The following ATP6V0A1 variants were observed in gnomAD, a reference collection of about 807,000 sequenced individuals.
ATP6V0A1 encodes the protein ATPase H+ transporting V0 subunit a1, also known as V-type proton ATPase 116 kDa subunit a 1.
In ATP6V0A1, 43 loss-of-function variants were observed where a neutral mutation model predicts 105.4. The ratio of observed to expected loss-of-function variants is 0.41; its 90% confidence interval spans 0.32 to 0.53. The LOEUF (loss-of-function observed/expected upper bound fraction) is 0.53. Ranked by LOEUF, ATP6V0A1 falls within the 20% of genes least tolerant of loss-of-function variation. The probability of loss-of-function intolerance (pLI) is 0.30; values close to 1 mark genes in which losing one functional copy is unlikely to be tolerated. For missense variants in ATP6V0A1, 676 were observed against 1,051.1 expected, an observed-to-expected ratio of 0.64 and a Z score of 4.93; for synonymous variants, 362 against 372.8, an observed-to-expected ratio of 0.97 and a Z score of 0.33.
chr17:42,518,729 C>T (rs894439023), intron 21 of ATP6V0A1: 1 of 152,326 alleles, frequency 6.6e-6, no homozygotes, highest in Non-Finnish European at 1.5e-5. Flanking sequence ...ATCTGGCGTC[C>T]TGAGGCTCTC....
In ATP6V0A1 at chr17:42,468,013, T is replaced by G; in HGVS notation, c.200T>G (p.Phe67Cys). ...RCEEMDRKLR[F>C]VEKEIRKANI... The stretch of plus-strand genomic sequence containing the variant: ...TGTTTTGATTCTGTCATTTTAGGAT[T>G]TGTTGAGAAAGAGATAAGAAAAGCT... Residue 67 changes from phenylalanine (F) to cysteine (C), a missense_variant, in exon 4 of 22, where the codon TTT (phenylalanine) becomes TGT (cysteine). This residue lies in a region of ATP6V0A1 where 239 missense variants were observed against 388.4 expected (regional missense o/e 0.62). Transcript: ENST00000343619. The G allele has an allele frequency of 6.3e-7, 1 of 1,599,196 alleles. No individual in the cohort carries two copies. Among genetic ancestry groups the G allele is most frequent in the Non-Finnish European group, 8.5e-7 (1 of 1,172,184 alleles).
chr17:42,513,365 G>A (rs534550797), intron 19 of ATP6V0A1: 2 of 153,084 alleles, frequency 1.3e-5, no homozygotes, highest in Non-Finnish European at 2.9e-5. Flanking sequence ...TAAGTAAAGT[G>A]GCCATAGAGG....
Position 42,480,678 on chromosome 17 carries a change from G to A in ATP6V0A1, c.645G>A (p.Val215=). The A allele has an allele frequency of 6.2e-7, 1 of 1,613,064 alleles. No homozygotes were observed. The highest frequency in any genetic ancestry group is 8.5e-7 in the Non-Finnish European group (1 of 1,179,632). ...ATTCTGGGGCCTAGGGCGACTACGT[G>A]CACAAGTCTGTGTTTATCATTTTCT... is the stretch of plus-strand genomic sequence containing the variant. ...PLEDPVTGDY[V]HKSVFIIFFQ... Residue 215 remains valine, a synonymous_variant, in exon 8 of 22, where the codon GTG becomes GTA. Coordinates refer to ENST00000343619, the MANE Select transcript of ATP6V0A1 (RefSeq NM_001130021.3).
At chr17:42,464,724 GT>G (rs1473358578) in intron 2 of ATP6V0A1, among the ~76,000 whole-genome samples, 1 of 151,970 alleles carries the variant, frequency 6.6e-6, no homozygotes, top group African/African-American at 2.4e-5. Flanking sequence ...ATGTTTCTAT[GT>G]GTGTATGCAT....
chr17:42,517,093 A>C (rs2092657628), intron 21 of ATP6V0A1, among the ~76,000 whole-genome samples: 1 of 152,154 alleles, frequency 6.6e-6, no homozygotes, highest in South Asian at 2.1e-4. Context: ...CAGCCTGGAC[A>C]ACATGGTGAA....
intron 16 of ATP6V0A1, 133 bp from the exon 17 acceptor site, chr17:42,501,064 G>T (rs1341028689): frequency 1.9e-5 from 22 of 1,169,494 alleles, no homozygotes; most frequent in Non-Finnish European, 6.1e-6. Flanking sequence ...TAATTATTTT[G>T]AGAAATTGGA....
intron 5 of ATP6V0A1, chr17:42,471,120 C>G (rs2087851881): frequency 7.0e-6 from 1 of 143,396 alleles, no homozygotes; most frequent in South Asian, 2.2e-4. Context: ...GAGACTCTAT[C>G]TCAAAAAAAA....
rs1455800339 is a variant in ATP6V0A1, at chr17:42,514,611, C to T, written c.2420+151C>T. 4.3e-5 allele frequency: 34 copies of T among 784,290 alleles called. No homozygotes were observed. The Admixed American group carries it at 6.9e-4, about 16-fold the overall frequency. 48.6% of individuals were successfully genotyped at this position (784,290 alleles called of 1,614,324 possible). A position where few individuals can be genotyped will look rare whatever the true frequency, so the allele number is the denominator to read the frequency against. ...GCTTCACCTCAGGACACCCCAGCAC[C>T]GGCATTGCCACAGAGTTTCGGAAAA... is the stretch of plus-strand genomic sequence containing the variant. On this transcript the variant is annotated intron_variant, in intron 21 of 21. Coordinates refer to ENST00000343619, the MANE Select transcript of ATP6V0A1 (RefSeq NM_001130021.3).
chr17:42,459,921 A>T (rs2086212716), intron 1 of ATP6V0A1, among the ~76,000 whole-genome samples: 1 of 152,210 alleles, frequency 6.6e-6, no homozygotes, highest in Admixed American at 6.5e-5. Flanking sequence ...CACTAAAAAT[A>T]CTGTGCATTT....
Position 42,500,709 on chromosome 17 carries a change from A to G in ATP6V0A1, c.1682A>G (p.Tyr561Cys). 6.2e-7 allele frequency: 1 copy of G among 1,610,850 alleles called. No homozygotes were observed. The highest frequency in any genetic ancestry group is 1.1e-5 in the South Asian group (1 of 90,996). The change falls in exon 16 of 22, where the codon TAT becomes TGT. Residue 561 changes from tyrosine (Y) to cysteine (C), a missense_variant and splice_region_variant. Coordinates refer to ENST00000343619, the MANE Select transcript of ATP6V0A1 (RefSeq NM_001130021.3). ...GVSLSLFNHIYFKKPLNIYFG... is the reference protein window; with the variant it reads ...GVSLSLFNHICFKKPLNIYFG... ...ATTTTTTTCTCTCTCCTTTTTAGCT[A>G]TTTCAAGAAGCCCCTGAATATCTAC...
intron 19 of ATP6V0A1, among the ~76,000 whole-genome samples, chr17:42,512,619 G>A (rs1319639121): frequency 1.3e-5 from 2 of 152,168 alleles, no homozygotes; most frequent in Admixed American, 6.5e-5. Flanking sequence ...AGAAGCAGAC[G>A]TTCGCCCAGA....
chr17:42,461,658 C>T (rs558681990), intron 2 of ATP6V0A1, among the ~76,000 whole-genome samples: 3 of 152,146 alleles, frequency 2.0e-5, no homozygotes, highest in Non-Finnish European at 4.4e-5. Flanking sequence ...GTAATCCCAG[C>T]CACTCGGGAG....
chr17:42,520,833 T>A (rs551396062), intron 21 of ATP6V0A1, 194 bp from the exon 22 acceptor site: 1 of 588,266 alleles, frequency 1.7e-6, no homozygotes, highest in South Asian at 1.9e-5. Flanking sequence ...GCAAATCCCT[T>A]CCTCCGTGCG....
At chr17:42,488,701 G>A (rs928794429) in intron 10 of ATP6V0A1, among the ~76,000 whole-genome samples, 1 of 151,990 alleles carries the variant, frequency 6.6e-6, no homozygotes, top group Admixed American at 6.5e-5. Context: ...GGGCTCGAGT[G>A]ATCTGCCTTC....
At chr17:42,466,938 G>A (rs949754016) in intron 3 of ATP6V0A1, among the ~76,000 whole-genome samples, 1 of 152,126 alleles carries the variant, frequency 6.6e-6, no homozygotes, top group Non-Finnish European at 1.5e-5. Flanking sequence ...ACGAGGTCAG[G>A]AGATCGAGAC....
At chr17:42,511,834 G>A (rs545461938) in intron 19 of ATP6V0A1, among the ~76,000 whole-genome samples, 1 of 152,016 alleles carries the variant, frequency 6.6e-6, no homozygotes, top group African/African-American at 2.4e-5. Flanking sequence ...GTGGTGGTGC[G>A]TGCCTGTAAT....
intron 5 of ATP6V0A1, among the ~76,000 whole-genome samples, chr17:42,477,199 T>C (rs2088863818): frequency 6.6e-6 from 1 of 152,228 alleles, no homozygotes; most frequent in Admixed American, 6.5e-5. Context: ...AGTTTGTAGC[T>C]GCCTAGAAAT....
rs764165065 is a variant in ATP6V0A1 at position 42,495,672 on chromosome 17, C to T, written c.1516C>T (p.Leu506Phe). 1 of 1,614,004 alleles carries T rather than the reference C, an allele frequency of 6.2e-7. No homozygotes were observed. The highest frequency in any genetic ancestry group is 8.5e-7 in the Non-Finnish European group (1 of 1,180,002). The change falls in exon 14 of 22, where the codon CTC becomes TTC. Residue 506 changes from leucine (L) to phenylalanine (F), a missense_variant. Coordinates refer to ENST00000343619, the MANE Select transcript of ATP6V0A1 (RefSeq NM_001130021.3). ...GNPVLQLNPA[L>F]PGVFGGPYPF... is the part of the protein sequence containing the mutation. ...CCCTGTTCTACAGCTGAACCCAGCC[C>T]TCCCTGGAGTGTTTGGTGGACCATA...
rs111831661 is a variant in ATP6V0A1 at position 42,497,722 on chromosome 17, A to G, written c.1561-1202A>G. On this transcript the variant is annotated intron_variant, in intron 14 of 21. Transcript: ENST00000343619. ...ATTGTTAATGCATTTACGTGTGATG[A>G]CAATATTGTGGTCATGTTTTAAAAA... is the stretch of plus-strand genomic sequence containing the variant. Among the ~76,000 whole-genome samples the G allele has an allele frequency of 9.4e-3, 1,408 of 150,502 alleles. 28 individuals are homozygous for G. The highest frequency in any genetic ancestry group is 0.032 in the African/African-American group (1,296 of 40,918).
Sources: allele counts gnomAD v4.1 joint callset (sites outside exome capture counted in the v4.1 genomes callset), GRCh38; gene constraint gnomAD v4.1.1; regional missense constraint gnomAD v4.1.1; transcripts MANE v1.5; gene names NCBI Gene and HGNC (gene_info 2026-07-23, HGNC 2026-07-21).